ST8SIA4: variants seen among roughly 807,000 people sequenced by gnomAD.
The protein encoded by ST8SIA4 is ST8 alpha-N-acetyl-neuraminide alpha-2,8-sialyltransferase 4.
A neutral mutation model predicts 33.9 loss-of-function variants in ST8SIA4; 15 were observed. That is an observed-to-expected ratio of 0.44 (90% confidence interval 0.30 to 0.68). The LOEUF (loss-of-function observed/expected upper bound fraction) is 0.68, where lower values mean the gene tolerates loss of function less well. Among genes scored for constraint, ST8SIA4 ranks in the 30% least tolerant of loss-of-function variants. The pLI, the probability that ST8SIA4 is intolerant of heterozygous loss-of-function variation, is 0.10. For missense variants in ST8SIA4, 321 were observed against 428.0 expected, an observed-to-expected ratio of 0.75 and a Z score of 2.21; for synonymous variants, 171 against 151.2, an observed-to-expected ratio of 1.13 and a Z score of -0.96.
intron 3 of ST8SIA4, among the ~76,000 whole-genome samples, chr5:100,882,906 A>G (rs1752455879): frequency 6.6e-6 from 1 of 152,246 alleles, no homozygotes; most frequent in Admixed American, 6.5e-5. Context: ...ATGCCTAGGC[A>G]GAAGTTCGCT....
intron 4 of ST8SIA4, among the ~76,000 whole-genome samples, chr5:100,825,049 A>C (rs1403473766): frequency 1.3e-5 from 2 of 152,160 alleles, no homozygotes; most frequent in Non-Finnish European, 2.9e-5. Flanking sequence ...TGACAGTATG[A>C]GACTATCTCT....
At chr5:100,889,671 C>T (rs962288784) in intron 2 of ST8SIA4, among the ~76,000 whole-genome samples, 14 of 151,690 alleles carry the variant, frequency 9.2e-5, no homozygotes, top group Non-Finnish European at 1.8e-4. Context: ...ATTTTATTTA[C>T]TCTTAGGGAA....
At chr5:100,850,259 A>G (rs1305437947) in intron 4 of ST8SIA4, among the ~76,000 whole-genome samples, 2 of 152,120 alleles carry the variant, frequency 1.3e-5, no homozygotes, top group African/African-American at 4.8e-5. Flanking sequence ...AGAATATTAT[A>G]TACATTTATC....
intron 4 of ST8SIA4, among the ~76,000 whole-genome samples, chr5:100,849,981 TA>T (rs1751656380): frequency 6.6e-6 from 1 of 152,186 alleles, no homozygotes; most frequent in Non-Finnish European, 1.5e-5. Context: ...CAAAAGACTA[TA>T]TTTTTTTAAG....
intron 1 of ST8SIA4, among the ~76,000 whole-genome samples, chr5:100,901,595 G>C (rs943719784): frequency 1.3e-5 from 2 of 152,106 alleles, no homozygotes; most frequent in Admixed American, 1.3e-4. Flanking sequence ...TACCCCCTCA[G>C]AATAGACCAT....
At chr5:100,816,446 G>A (rs763066050) in intron 4 of ST8SIA4, 7 of 516,364 alleles carry the variant, frequency 1.4e-5, no homozygotes, top group South Asian at 8.9e-5. Context: ...ATTGGTTTGT[G>A]TTTATATTTA....
chr5:100,818,150 T>G (rs1339150751), intron 4 of ST8SIA4, among the ~76,000 whole-genome samples: 1 of 152,168 alleles, frequency 6.6e-6, no homozygotes, highest in African/African-American at 2.4e-5. Context: ...AGATTTAAGC[T>G]CACATATATC....
chr5:100,812,140 A>C lies in ST8SIA4; in HGVS notation c.798-11T>G, dbSNP rs748795621. 22 of 1,599,920 alleles carry C rather than the reference A, an allele frequency of 1.4e-5. No individual in the cohort carries two copies. The highest frequency in any genetic ancestry group is 1.9e-5 in the Non-Finnish European group (22 of 1,175,098). On this transcript the variant is annotated splice_polypyrimidine_tract_variant and intron_variant, in intron 4 of 4. Transcript: ENST00000231461. ...TTGGTCAGCCAGTAACTGGAAAAAC[A>C]AAAAACAAAATCAAGAAGAGAAGAA...
At chr5:100,893,926 C>T (rs1452074599) in intron 2 of ST8SIA4, among the ~76,000 whole-genome samples, 1 of 152,132 alleles carries the variant, frequency 6.6e-6, no homozygotes, top group East Asian at 1.9e-4. Context: ...TCACCTATCT[C>T]TCTCTCTTTC....
intron 4 of ST8SIA4, among the ~76,000 whole-genome samples, chr5:100,829,504 C>A (rs1751207973): frequency 6.6e-6 from 1 of 152,022 alleles, no homozygotes; most frequent in South Asian, 2.1e-4. Context: ...AGGATATTGA[C>A]AGTGATATAT....
chr5:100,896,699 A>G (rs1291839279), intron 1 of ST8SIA4, among the ~76,000 whole-genome samples: 1 of 152,174 alleles, frequency 6.6e-6, no homozygotes. Flanking sequence ...AATATATACA[A>G]TTATTGTTTG....
At chr5:100,865,374 A>G (rs545900723) in intron 3 of ST8SIA4, among the ~76,000 whole-genome samples, 1 of 152,260 alleles carries the variant, frequency 6.6e-6, no homozygotes, top group South Asian at 2.1e-4. Context: ...ATCACTCCGT[A>G]TTATTAATTT....
chr5:100,883,969 G>A (rs1752483140), intron 3 of ST8SIA4, among the ~76,000 whole-genome samples: 1 of 152,116 alleles, frequency 6.6e-6, no homozygotes, highest in Admixed American at 6.5e-5. Flanking sequence ...AATTAGATCT[G>A]TTGATTGACA....
chr5:100,866,762 G>C (rs972823626), intron 3 of ST8SIA4, among the ~76,000 whole-genome samples: 1 of 152,024 alleles, frequency 6.6e-6, no homozygotes, highest in South Asian at 2.1e-4. Flanking sequence ...ACCAGCCCAA[G>C]GTCATTGATT....
At chr5:100,900,122 C>A (rs567737045) in intron 1 of ST8SIA4, among the ~76,000 whole-genome samples, 1 of 152,288 alleles carries the variant, frequency 6.6e-6, no homozygotes, top group Admixed American at 6.5e-5. Context: ...TAGATGGGAC[C>A]CCCATTTGCG....
At chr5:100,812,272 G>T in intron 4 of ST8SIA4, 143 bp from the exon 5 acceptor site, 1 of 648,830 alleles carries the variant, frequency 1.5e-6, no homozygotes, top group Non-Finnish European at 2.4e-6. Context: ...ATATTTTTAA[G>T]CATTTAGAAA....
intron 3 of ST8SIA4, among the ~76,000 whole-genome samples, chr5:100,856,929 CAA>C (rs1298952435): frequency 6.6e-6 from 1 of 152,060 alleles, no homozygotes; most frequent in Non-Finnish European, 1.5e-5. Flanking sequence ...GTGTTTTACA[CAA>C]ACATATTTAC....
At chr5:100,830,186 A>G (rs1435752202) in intron 4 of ST8SIA4, among the ~76,000 whole-genome samples, 1 of 152,234 alleles carries the variant, frequency 6.6e-6, no homozygotes, top group Non-Finnish European at 1.5e-5. Context: ...AGTAAGTGAA[A>G]GGGAATAGAG....
chr5:100,883,965 A>G (rs1200419648), intron 3 of ST8SIA4, among the ~76,000 whole-genome samples: 1 of 152,178 alleles, frequency 6.6e-6, no homozygotes, highest in Admixed American at 6.5e-5. Flanking sequence ...AAAAAATTAG[A>G]TCTGTTGATT....
Sources: gnomAD v4.1 joint callset for allele counts (sites outside exome capture counted in the v4.1 genomes callset) on GRCh38, gnomAD v4.1.1 for gene constraint, MANE v1.5 for transcripts, NCBI Gene and HGNC (gene_info 2026-07-23, HGNC 2026-07-21) for gene names.